CPNE8: variants seen among roughly 807,000 people sequenced by gnomAD.
CPNE8 encodes copine 8.
A neutral mutation model predicts 81.5 loss-of-function variants in CPNE8; 45 were observed. That is an observed-to-expected ratio of 0.55 (90% CI 0.44 to 0.71). The LOEUF is 0.71. CPNE8 is among the 30% of genes least tolerant of loss of function. CPNE8 has a pLI of 0.00. For synonymous variants in CPNE8, 252 were observed against 226.3 expected (o/e 1.11, Z -1.02); for missense variants, 594 against 672.1 (o/e 0.88, Z 1.28).
At chr12:38,825,610 T>A (rs919744432) in intron 6 of CPNE8, among the ~76,000 whole-genome samples, 1 of 152,188 alleles carries the variant, frequency 6.6e-6, no homozygotes, top group Non-Finnish European at 1.5e-5. Context: ...TAAAATGCTA[T>A]TTGCATAGAA....
At chr12:38,850,611 A>G (rs1388668059) in intron 3 of CPNE8, among the ~76,000 whole-genome samples, 5 of 152,176 alleles carry the variant, frequency 3.3e-5, no homozygotes, top group Non-Finnish European at 7.3e-5. Context: ...TTTTGATGAT[A>G]TCACCAGTGA....
At chr12:38,738,254 C>T (rs1940999812) in intron 10 of CPNE8, among the ~76,000 whole-genome samples, 1 of 152,114 alleles carries the variant, frequency 6.6e-6, no homozygotes, top group African/African-American at 2.4e-5. Flanking sequence ...GGGGAAAATG[C>T]ATTTTGGAAA....
At position 38,848,449 on chromosome 12, in the gene CPNE8, T is replaced by G. The variant is rs1045965055; in HGVS notation, c.290+110A>C. The G allele has an allele frequency of 4.3e-6, 6 of 1,404,024 alleles. No homozygotes were observed. The Admixed American group carries it at 2.1e-4, about 50-fold the overall frequency. The allele number at this position is 1,404,024 out of a possible 1,614,324, so 87.0% of individuals were successfully genotyped here. ...ACACTCTGAACAGAATTAATCTGGT[T>G]TCCTGCCAATATAATCTAGAACTCA... On this transcript the variant is annotated intron_variant, in intron 4 of 19. Transcript: ENST00000331366.
intron 13 of CPNE8, among the ~76,000 whole-genome samples, chr12:38,710,533 A>G (rs1940229334): frequency 6.6e-6 from 1 of 152,190 alleles, no homozygotes; most frequent in Non-Finnish European, 1.5e-5. Context: ...AGACTTCTAA[A>G]TGTTAGAAAT....
chr12:38,774,259 A>C (rs1051911451), intron 7 of CPNE8, among the ~76,000 whole-genome samples: 2 of 152,168 alleles, frequency 1.3e-5, no homozygotes, highest in Non-Finnish European at 2.9e-5. Flanking sequence ...ACACATTTAC[A>C]TAAAATCTGC....
chr12:38,703,362 C>A (rs1462237842), intron 13 of CPNE8, among the ~76,000 whole-genome samples: 3 of 152,108 alleles, frequency 2.0e-5, no homozygotes, highest in African/African-American at 7.2e-5. Context: ...ATTCCTTAAA[C>A]TAATTCTTTT....
In CPNE8 at chr12:38,776,633, A is replaced by G. The variant is rs901597440; in HGVS notation, c.408-332T>C. 3.3e-5 allele frequency among the ~76,000 whole-genome samples: 5 copies of G among 152,200 alleles called. No individual in the cohort carries two copies. The South Asian group carries it at 1.0e-3, about 32-fold the overall frequency. ...CCCTCAATGAGACTAAACTTTCAAC[A>G]TAACTTTAAACATGTCGATCCTCTC... On this transcript the variant is annotated intron_variant, in intron 6 of 19. Transcript: ENST00000331366.
At position 38,864,942 on chromosome 12, in the gene CPNE8, A is replaced by C. The variant is rs142868349; in HGVS notation, c.186+8062T>G. Among the ~76,000 whole-genome samples the C allele has an allele frequency of 5.1e-3, 782 of 152,314 alleles. 7 individuals are homozygous for C. The highest frequency in any genetic ancestry group is 0.018 in the African/African-American group (752 of 41,586). On this transcript the variant is annotated intron_variant, in intron 3 of 19. Transcript: ENST00000331366. ...AGAATGCCACACTATATAAAGGAAA[A>C]AGATATTTGCAAGATACGCAAGCAA...
At chr12:38,826,658 C>A (rs1488052717) in intron 6 of CPNE8, among the ~76,000 whole-genome samples, 3 of 152,074 alleles carry the variant, frequency 2.0e-5, no homozygotes, top group Admixed American at 6.6e-5. Flanking sequence ...GAACAAGGAC[C>A]ATATCTTATG....
chr12:38,801,426 G>T (rs1433999661), intron 6 of CPNE8, among the ~76,000 whole-genome samples: 2 of 38,956 alleles, frequency 5.1e-5, no homozygotes, highest in South Asian at 9.5e-4. Context: ...AAGTGAAGGA[G>T]AAATAAAATA....
At chr12:38,671,007 T>C (rs1341569791) in intron 18 of CPNE8, 19 of 489,396 alleles carry the variant, frequency 3.9e-5, no homozygotes, top group African/African-American at 8.1e-5. Context: ...TGAACCAAGA[T>C]CTTTTGTGAC....
At chr12:38,902,445 A>T (rs1475121502) in intron 1 of CPNE8, among the ~76,000 whole-genome samples, 1 of 151,846 alleles carries the variant, frequency 6.6e-6, no homozygotes, top group African/African-American at 2.4e-5. Context: ...AAGGAGAGAG[A>T]GAAAGAAAGA....
chr12:38,775,997 G>T (rs978870139), intron 7 of CPNE8, among the ~76,000 whole-genome samples: 4 of 151,926 alleles, frequency 2.6e-5, no homozygotes, highest in African/African-American at 9.7e-5. Flanking sequence ...TTGATATTAG[G>T]TGTTATTTTA....
intron 11 of CPNE8, among the ~76,000 whole-genome samples, chr12:38,726,960 C>T (rs1425726215): frequency 6.6e-6 from 1 of 152,000 alleles, no homozygotes; most frequent in Non-Finnish European, 1.5e-5. Flanking sequence ...AATAATACAT[C>T]CGATGTAACA....
intron 15 of CPNE8, among the ~76,000 whole-genome samples, chr12:38,691,782 G>C (rs1050688372): frequency 6.6e-6 from 1 of 152,162 alleles, no homozygotes; most frequent in African/African-American, 2.4e-5. Context: ...CAGTTGCCTG[G>C]TAAGGGCTGT....
intron 13 of CPNE8, among the ~76,000 whole-genome samples, chr12:38,713,801 G>A (rs1450275677): frequency 6.6e-6 from 1 of 150,750 alleles, no homozygotes; most frequent in Non-Finnish European, 1.5e-5. Flanking sequence ...AGCTCACCTG[G>A]ACTCGCTGGA....
chr12:38,843,494 C>T lies in CPNE8; in HGVS notation c.291-3539G>A, dbSNP rs1257696604. On this transcript the variant is annotated intron_variant, in intron 4 of 19. Transcript: ENST00000331366. ...CTCCCCAAAGCCAAGTAAAGTATGG[C>T]TCCAAAATCTGGGATGCCTGCAAGG... Among the ~76,000 whole-genome samples the T allele has an allele frequency of 7.2e-5, 11 of 151,960 alleles. 1 individual carries two copies. Among genetic ancestry groups the T allele is most frequent in the Admixed American group, 7.2e-4 (11 of 15,254 alleles).
intron 6 of CPNE8, among the ~76,000 whole-genome samples, chr12:38,790,432 T>A (rs1021571638): frequency 1.3e-5 from 2 of 151,682 alleles, no homozygotes; most frequent in Admixed American, 1.3e-4. Flanking sequence ...AGATGGTTAC[T>A]GGAGGCTGCT....
chr12:38,819,441 T>C (rs981767851), intron 6 of CPNE8, among the ~76,000 whole-genome samples: 1 of 152,092 alleles, frequency 6.6e-6, no homozygotes, highest in African/African-American at 2.4e-5. Flanking sequence ...TTATTTGCTT[T>C]GATAACTAAC....
Sources: allele counts gnomAD v4.1 joint callset (sites outside exome capture counted in the v4.1 genomes callset), GRCh38; gene constraint gnomAD v4.1.1; transcripts MANE v1.5; gene names NCBI Gene and HGNC (gene_info 2026-07-23, HGNC 2026-07-21).